Variants in PHACTR2 observed in about 807,000 individuals in gnomAD.
The protein encoded by PHACTR2 is phosphatase and actin regulator 2.
A neutral mutation model predicts 76.0 loss-of-function variants in PHACTR2; 30 were observed. The ratio of observed to expected loss-of-function variants is 0.39; its 90% CI spans 0.30 to 0.54. The LOEUF (loss-of-function observed/expected upper bound fraction) is 0.54, where lower values mean the gene tolerates loss of function less well. PHACTR2 is among the 20% of genes least tolerant of loss of function. PHACTR2 has a pLI of 0.61. For missense variants in PHACTR2, 696 were observed against 781.1 expected, an observed-to-expected ratio of 0.89 and a Z score of 1.30; for synonymous variants, 292 against 292.5, an observed-to-expected ratio of 1.00 and a Z score of 0.02.
At chr6:143,566,775 C>A (rs9484767) in intron 1 of PHACTR2, among the ~76,000 whole-genome samples, 91,977 of 149,876 alleles carry the variant, frequency 0.61, 28,512 homozygotes, top group Middle Eastern at 0.72. Flanking sequence ...TTCCAGACAT[C>A]ATATTATTTT....
In PHACTR2 at chr6:143,546,637, T is replaced by TAAA. The variant is rs1173094799; in HGVS notation, c.217+9431_217+9433dup. Among the ~76,000 whole-genome samples, 1 of 152,196 alleles carries TAAA rather than the reference T, an allele frequency of 6.6e-6. No homozygotes were observed. The highest frequency in any genetic ancestry group is 1.5e-5 in the Non-Finnish European group (1 of 68,038). ...GCCTAAATATCAAGAACAAACATATTAAACCCCTTTTCTCCAAACTACTGG... is the reference window on the plus strand; with the variant it reads ...GCCTAAATATCAAGAACAAACATATTAAAAAACCCCTTTTCTCCAAACTACTGG... On this transcript the variant is annotated intron_variant, in intron 1 of 11. Coordinates refer to the PHACTR2 transcript ENST00000367584. The surrounding 1 kb of genome is among the most constrained non-coding windows in gnomAD (Gnocchi z 4.9).
In PHACTR2 at chr6:143,591,886, C is replaced by G. The variant is rs1365451206; in HGVS notation, c.217+54679C>G. On this transcript the variant is annotated intron_variant, in intron 1 of 11. Coordinates refer to the PHACTR2 transcript ENST00000367584. The surrounding 1 kb of genome is among the most constrained non-coding windows in gnomAD (Gnocchi z 6.4). Reference sequence around the variant, plus strand: ...GCTCAAACAGGGAATTTGTCCACTTCCAGGTTTTCCTGGGCCACTTCCCTA... The same window carrying G: ...GCTCAAACAGGGAATTTGTCCACTTGCAGGTTTTCCTGGGCCACTTCCCTA... Among the ~76,000 whole-genome samples, 6 of 152,206 alleles carry G rather than the reference C, an allele frequency of 3.9e-5. No homozygotes were observed. The highest frequency in any genetic ancestry group is 1.4e-4 in the African/African-American group (6 of 41,442).
At position 143,742,731 on chromosome 6, in the gene PHACTR2, C is replaced by G. The variant is rs549717856; in HGVS notation, c.215-6254C>G. On this transcript the variant is annotated intron_variant, in intron 2 of 12. Transcript: ENST00000440869. This position sits in a 1 kb window ranked among gnomAD's most constrained non-coding sequence, Gnocchi z 4.5. ...GCTAGACATGCCTTTCCTCCTTCCC[C>G]CCAAAAAGACACTTAGGTCCCCAAT... is the stretch of plus-strand genomic sequence containing the variant. Among the ~76,000 whole-genome samples the G allele has an allele frequency of 6.6e-6, 1 of 152,244 alleles. No homozygotes were observed.
intron 1 of PHACTR2, among the ~76,000 whole-genome samples, chr6:143,644,467 C>CA (rs373621895): frequency 0.79 from 87,829 of 111,418 alleles, 35,151 homozygotes; most frequent in Non-Finnish European, 0.82. Context: ...GACTCCATCT[C>CA]AAAAAAAAAA....
intron 1 of PHACTR2, among the ~76,000 whole-genome samples, chr6:143,579,120 T>C (rs1775545883): frequency 6.6e-6 from 1 of 152,134 alleles, no homozygotes. Flanking sequence ...CCCAGGACGG[T>C]CTTGAACTCC....
rs1259127500 is a variant in PHACTR2, at chr6:143,791,448, T to TC, written c.1845+2541dup. Among the ~76,000 whole-genome samples, 2 of 152,196 alleles carry TC rather than the reference T, an allele frequency of 1.3e-5. No individual in the cohort carries two copies. Among genetic ancestry groups the TC allele is most frequent in the Non-Finnish European group, 2.9e-5 (2 of 68,026 alleles). ...ATCTTTAAGAATGTGGATGTCTGGG[T>TC]CCCATCTCCAGAGATGCTGATCTCA... On this transcript the variant is annotated intron_variant, in intron 11 of 12. Transcript: ENST00000440869. The surrounding 1 kb of genome is among the most constrained non-coding windows in gnomAD (Gnocchi z 4.7).
In PHACTR2 at chr6:143,777,259, G is replaced by T; in HGVS notation, c.1590-69G>T. On this transcript the variant is annotated intron_variant, in intron 8 of 12. Transcript: ENST00000440869. This position sits in a 1 kb window ranked among gnomAD's most constrained non-coding sequence, Gnocchi z 4.6. ...AAAACATGAAAAATAGAGCTTTGTT[G>T]TTTTATTCTGAGTCTCCTACTAGGG... is the stretch of plus-strand genomic sequence containing the variant. 2 of 803,492 alleles carry T rather than the reference G, an allele frequency of 2.5e-6. No homozygotes were observed. The highest frequency in any genetic ancestry group is 2.1e-6 in the Non-Finnish European group (1 of 479,972). 49.8% of individuals were successfully genotyped at this position (803,492 alleles called of 1,614,324 possible).
intron 1 of PHACTR2, among the ~76,000 whole-genome samples, chr6:143,565,175 A>G (rs1454617372): frequency 1.3e-5 from 2 of 152,220 alleles, no homozygotes; most frequent in African/African-American, 4.8e-5. Flanking sequence ...TGTTCTAGGT[A>G]TGTGCAGGAT....
rs1469824891 is a variant in PHACTR2 at position 143,561,135 on chromosome 6, T to C, written c.217+23928T>C. The C allele has an allele frequency of 1.3e-5, 2 of 152,738 alleles. No individual in the cohort carries two copies. The highest frequency in any genetic ancestry group is 1.3e-4 in the Admixed American group (2 of 15,284). The allele number at this position is 152,738 out of a possible 1,614,324, so 9.5% of individuals were successfully genotyped here. A position where few individuals can be genotyped will look rare whatever the true frequency, so the allele number is the denominator to read the frequency against. On this transcript the variant is annotated intron_variant, in intron 1 of 11. Coordinates refer to the PHACTR2 transcript ENST00000367584. The surrounding 1 kb of genome is among the most constrained non-coding windows in gnomAD (Gnocchi z 4.1). ...CACACACCTCAAACACAAGCAGGGA[T>C]TGAAGGAGAGGAAGATGCAGTAGGC... is the stretch of plus-strand genomic sequence containing the variant.
In PHACTR2 at chr6:143,608,283, C is replaced by T; in HGVS notation, c.-27C>T. ...CCAGGGCTTCCCGGCTGCCAGGCTA[C>T]AGAACTCGCCTCGCCACTCCTGAGA... On this transcript the variant is annotated 5_prime_UTR_variant, in exon 1 of 12. Transcript: ENST00000305766. The surrounding 1 kb of genome is among the most constrained non-coding windows in gnomAD (Gnocchi z 4.6). 1 of 1,613,880 alleles carries T rather than the reference C, an allele frequency of 6.2e-7. No individual in the cohort carries two copies. The highest frequency in any genetic ancestry group is 1.1e-5 in the South Asian group (1 of 91,044).
chr6:143,706,242 C>T (rs944831616), intron 1 of PHACTR2, among the ~76,000 whole-genome samples: 5 of 152,276 alleles, frequency 3.3e-5, no homozygotes, highest in East Asian at 1.9e-4. Context: ...GCAGCCTTTT[C>T]TGTAAGGAGG....
At chr6:143,606,502 AC>A (rs1775874906), upstream of PHACTR2, among the ~76,000 whole-genome samples, 1 of 152,212 alleles carries the variant, frequency 6.6e-6, no homozygotes, top group African/African-American at 2.4e-5. Flanking sequence ...TGAACTGTGG[AC>A]AAAGCTAATA....
At chr6:143,642,947 T>C (rs1446713563) in intron 1 of PHACTR2, among the ~76,000 whole-genome samples, 1 of 152,214 alleles carries the variant, frequency 6.6e-6, no homozygotes, top group East Asian at 1.9e-4. Flanking sequence ...AGCATACTAA[T>C]AGTTTGGCTA....
At chr6:143,704,027 A>G (rs1465290500) in intron 1 of PHACTR2, among the ~76,000 whole-genome samples, 3 of 151,662 alleles carry the variant, frequency 2.0e-5, no homozygotes, top group Non-Finnish European at 4.4e-5. Context: ...GCATTACTTT[A>G]AAAGGTCAGC....
intron 6 of PHACTR2, among the ~76,000 whole-genome samples, chr6:143,766,408 C>T (rs1779565049): frequency 6.6e-6 from 1 of 152,218 alleles, no homozygotes; most frequent in South Asian, 2.1e-4. Flanking sequence ...TGCCCAGCAA[C>T]CACTCCAGAG....
Position 143,705,355 on chromosome 6 carries a change from C to A in PHACTR2, c.47-6661C>A, listed in dbSNP as rs554200073. The stretch of plus-strand genomic sequence containing the variant: ...TGTAGCCCAGGCTGGAGTGCAGTGG[C>A]GCAATCTTGGTTCACTGCAAGCTCT... On this transcript the variant is annotated intron_variant, in intron 1 of 12. Coordinates refer to ENST00000440869, the MANE Select transcript of PHACTR2 (RefSeq NM_001100164.2). Among the ~76,000 whole-genome samples the A allele has an allele frequency of 4.1e-3, 582 of 142,484 alleles. 5 individuals carry two copies. Among genetic ancestry groups the A allele is most frequent in the African/African-American group, 0.015 (558 of 37,866 alleles). The allele number at this position is 142,484 out of a possible 152,430, so 93.5% of individuals were successfully genotyped here. A position where few individuals can be genotyped will look rare whatever the true frequency, so the allele number is the denominator to read the frequency against.
intron 1 of PHACTR2, among the ~76,000 whole-genome samples, chr6:143,552,888 GAAAAAAAAAAA>G (rs35606517): frequency 2.6e-5 from 3 of 116,696 alleles, no homozygotes; most frequent in East Asian, 2.6e-4. Context: ...ATCTCAAAAA[GAAAAAAAAAAA>G]AAAAAAAAAG....
At chr6:143,601,954 G>A (rs569693416) in intron 1 of PHACTR2, among the ~76,000 whole-genome samples, 17 of 152,174 alleles carry the variant, frequency 1.1e-4, no homozygotes, top group Admixed American at 9.8e-4. Flanking sequence ...ATATTTTGAT[G>A]CAATCATACA....
At position 143,579,944 on chromosome 6, in the gene PHACTR2, G is replaced by A. The variant is rs532228442; in HGVS notation, c.217+42737G>A. ...AGGAGCTGCGTCCAAGCTGACTCAC[G>A]TAGTTGTTGGCAGGGTTCTGTTTTC... On this transcript the variant is annotated intron_variant, in intron 1 of 11. Transcript: ENST00000367584. Among the ~76,000 whole-genome samples, 8 of 152,266 alleles carry A rather than the reference G, an allele frequency of 5.3e-5. No individual in the cohort carries two copies. The East Asian group carries it at 1.5e-3, about 29-fold the overall frequency.
Sources: gnomAD v4.1 joint callset for allele counts (sites outside exome capture counted in the v4.1 genomes callset) on GRCh38, gnomAD v4.1.1 for gene constraint, Gnocchi (gnomAD v3.1) non-coding constraint, MANE v1.5 for transcripts, NCBI Gene and HGNC (gene_info 2026-07-23, HGNC 2026-07-21) for gene names.